Variants in CEP112 observed in about 807,000 individuals in gnomAD.
CEP112 encodes centrosomal protein 112.
A neutral mutation model predicts 153.0 loss-of-function variants in CEP112; 127 were observed. That is an observed-to-expected ratio of 0.83 (90% CI 0.72 to 0.96). CEP112 has a LOEUF of 0.96. Among genes scored for constraint, CEP112 ranks in the 40% least tolerant of loss-of-function variants. CEP112 has a pLI of 0.00. For synonymous variants in CEP112, 358 were observed against 374.4 expected, an observed-to-expected ratio of 0.96 and a Z score of 0.51; for missense variants, 1,089 against 1,101.2, an observed-to-expected ratio of 0.99 and a Z score of 0.16.
At position 65,769,181 on chromosome 17, in the gene CEP112, T is replaced by C. The variant is rs913825190; in HGVS notation, c.2395-18457A>G. Among the ~76,000 whole-genome samples, 4 of 151,682 alleles carry C rather than the reference T, an allele frequency of 2.6e-5. No individual in the cohort carries two copies. The South Asian group carries it at 8.3e-4, about 32-fold the overall frequency. The stretch of plus-strand genomic sequence containing the variant: ...ACTGAGAAAACAACCTCATTTACAA[T>C]CACATCAAAAAAATAAAATAGGAAT... On this transcript the variant is annotated intron_variant, in intron 21 of 26. Transcript: ENST00000535342.
At chr17:66,029,739 C>CA in intron 13 of CEP112, 130 bp downstream of exon 13, 2 of 591,726 alleles carry the variant, frequency 3.4e-6, no homozygotes, top group Non-Finnish European at 5.2e-6. Flanking sequence ...AACAAACAAA[C>CA]AGCAGTATTT....
At chr17:66,064,870 C>A (rs1033258785) in intron 10 of CEP112, among the ~76,000 whole-genome samples, 3 of 152,052 alleles carry the variant, frequency 2.0e-5, no homozygotes, top group African/African-American at 4.8e-5. Context: ...GGAGAAAAAA[C>A]CTAAACGAAT....
chr17:65,695,754 G>A (rs2048323874), intron 23 of CEP112, among the ~76,000 whole-genome samples: 3 of 152,196 alleles, frequency 2.0e-5, no homozygotes, highest in Admixed American at 2.0e-4. Flanking sequence ...TAGTACTGTA[G>A]CAAGACCGGA....
chr17:66,099,608 G>T (rs1208563220), intron 6 of CEP112, among the ~76,000 whole-genome samples: 1 of 151,756 alleles, frequency 6.6e-6, no homozygotes, highest in African/African-American at 2.4e-5. Context: ...AGAGGAGGAG[G>T]GCTGTCCAGA....
chr17:65,691,880 C>T (rs888590986), intron 23 of CEP112, among the ~76,000 whole-genome samples: 1 of 152,176 alleles, frequency 6.6e-6, no homozygotes, highest in African/African-American at 2.4e-5. Context: ...ACTTCTTAAA[C>T]TTAAATCTGA....
chr17:65,702,833 C>T (rs749059597), intron 23 of CEP112, among the ~76,000 whole-genome samples: 3 of 152,062 alleles, frequency 2.0e-5, no homozygotes, highest in Non-Finnish European at 4.4e-5. Context: ...TGTAAGGGAA[C>T]TGCCCTTTAT....
At chr17:65,693,853 C>T (rs900490617) in intron 23 of CEP112, among the ~76,000 whole-genome samples, 1 of 152,164 alleles carries the variant, frequency 6.6e-6, no homozygotes, top group Non-Finnish European at 1.5e-5. Context: ...TGGTGCCCTT[C>T]TAAAAGCTCT....
At chr17:65,737,775 G>A (rs565348602) in intron 23 of CEP112, among the ~76,000 whole-genome samples, 1 of 152,238 alleles carries the variant, frequency 6.6e-6, no homozygotes, top group East Asian at 1.9e-4. Flanking sequence ...ATTGAATACT[G>A]AACATGTAGA....
At chr17:65,638,443 G>T (rs1267229062) in intron 25 of CEP112, among the ~76,000 whole-genome samples, 1 of 152,202 alleles carries the variant, frequency 6.6e-6, no homozygotes, top group Non-Finnish European at 1.5e-5. Context: ...ACATAGTTAT[G>T]CAAGGGAGTA....
intron 6 of CEP112, among the ~76,000 whole-genome samples, chr17:66,113,537 T>C (rs530219892): frequency 2.4e-4 from 37 of 152,186 alleles, no homozygotes; most frequent in Admixed American, 9.8e-4. Flanking sequence ...GGGTACAAAA[T>C]ATTGGTTCAG....
intron 10 of CEP112, among the ~76,000 whole-genome samples, chr17:66,063,966 T>C (rs1461741270): frequency 2.0e-5 from 3 of 152,114 alleles, no homozygotes; most frequent in Admixed American, 6.5e-5. Flanking sequence ...ATCCTTAGAC[T>C]CTCAACTGAA....
intron 20 of CEP112, among the ~76,000 whole-genome samples, chr17:65,899,275 C>T (rs184081468): frequency 1.2e-4 from 19 of 152,174 alleles, no homozygotes; most frequent in Admixed American, 1.2e-3. Context: ...TAGATAGATA[C>T]CAGACTGAAC....
chr17:66,091,657 T>A (rs9914216), intron 8 of CEP112, among the ~76,000 whole-genome samples: 7,339 of 151,900 alleles, frequency 0.048, 232 homozygotes, highest in African/African-American at 0.07. Context: ...AGTCCAAAGT[T>A]CACGGAAGGA....
intron 20 of CEP112, among the ~76,000 whole-genome samples, chr17:65,878,132 C>T (rs2146565696): frequency 6.6e-6 from 1 of 152,012 alleles, no homozygotes; most frequent in East Asian, 1.9e-4. Context: ...CTATAATTAA[C>T]AATACTGTTT....
intron 23 of CEP112, among the ~76,000 whole-genome samples, chr17:65,739,214 C>A (rs2050978494): frequency 6.6e-6 from 1 of 152,210 alleles, no homozygotes; most frequent in Admixed American, 6.5e-5. Context: ...GCCAATGCCA[C>A]ACATTGAGCA....
chr17:66,078,665 GTTTT>G (rs552164656), intron 8 of CEP112, among the ~76,000 whole-genome samples: 3 of 151,822 alleles, frequency 2.0e-5, no homozygotes, highest in Non-Finnish European at 2.9e-5. Flanking sequence ...CATACTTTGG[GTTTT>G]TTTTAATTTT....
At chr17:65,817,961 T>G (rs2056356133) in intron 21 of CEP112, among the ~76,000 whole-genome samples, 1 of 151,900 alleles carries the variant, frequency 6.6e-6, no homozygotes, top group South Asian at 2.1e-4. Context: ...AATTTGCATT[T>G]TTTTAAAAAC....
At chr17:66,013,454 T>C (rs2064628903) in intron 16 of CEP112, among the ~76,000 whole-genome samples, 1 of 152,162 alleles carries the variant, frequency 6.6e-6, no homozygotes, top group Admixed American at 6.5e-5. Context: ...TGGCATAAGG[T>C]GGGGTCCATC....
In CEP112 at chr17:66,066,814, C is replaced by T; in HGVS notation, c.919G>A (p.Glu307Lys). ...LKTLYRSKQH[E>K]TEETIRKLEK... ...AGCTTTCTAATAGTCTCTTCAGTTT[C>T]ATGTTGTTTACTCCTGTATAAAGTT... Residue 307 changes from glutamate (E) to lysine (K), a missense_variant, in exon 10 of 27, where the codon GAA becomes AAA. Coordinates refer to ENST00000535342, the MANE Select transcript of CEP112 (RefSeq NM_001199165.4). 1 of 1,554,818 alleles carries T rather than the reference C, an allele frequency of 6.4e-7. No homozygotes were observed. Among genetic ancestry groups the T allele is most frequent in the Non-Finnish European group, 8.7e-7 (1 of 1,153,310 alleles).
Sources: gnomAD v4.1 joint callset for allele counts (sites outside exome capture counted in the v4.1 genomes callset) on GRCh38, gnomAD v4.1.1 for gene constraint, MANE v1.5 for transcripts, NCBI Gene and HGNC (gene_info 2026-07-23, HGNC 2026-07-21) for gene names.